Variants in HNF4G observed in about 807,000 individuals in gnomAD.
HNF4G encodes the protein hepatocyte nuclear factor 4 gamma.
HNF4G carries 21 observed loss-of-function variants against 50.9 expected under a neutral mutation model. That is an observed-to-expected ratio of 0.41 (90% CI 0.29 to 0.59). The LOEUF is 0.59. HNF4G is among the 20% of genes least tolerant of loss of function. HNF4G has a pLI of 0.26. For synonymous variants in HNF4G, 198 were observed against 185.6 expected, an observed-to-expected ratio of 1.07 and a Z score of -0.54; for missense variants, 527 against 559.4, an observed-to-expected ratio of 0.94 and a Z score of 0.58.
chr8:75,463,058 G>GTTTTTTT (rs1219575361), intron 1 of HNF4G, among the ~76,000 whole-genome samples: 2 of 131,046 alleles, frequency 1.5e-5, no homozygotes, highest in African/African-American at 3.0e-5. Flanking sequence ...ATGTCTGCTT[G>GTTTTTTT]TTTTTTTGTT....
intron 1 of HNF4G, among the ~76,000 whole-genome samples, chr8:75,410,658 T>A (rs1810478412): frequency 1.3e-5 from 2 of 152,182 alleles, no homozygotes; most frequent in Non-Finnish European, 2.9e-5. Flanking sequence ...TGTAACTACA[T>A]GTTTTCCTTC....
chr8:75,442,278 C>T (rs1273415920), intron 1 of HNF4G, among the ~76,000 whole-genome samples: 2 of 151,962 alleles, frequency 1.3e-5, no homozygotes, highest in Non-Finnish European at 2.9e-5. Context: ...GCCTGGGTAT[C>T]GGGTATATGG....
At chr8:75,536,198 C>T (rs1469296051), upstream of HNF4G, among the ~76,000 whole-genome samples, 4 of 151,798 alleles carry the variant, frequency 2.6e-5, no homozygotes, top group Non-Finnish European at 5.9e-5. Flanking sequence ...TTCAGTAGTT[C>T]ATAGTTCATC....
At chr8:75,500,069 A>G (rs956733362) in intron 2 of HNF4G, among the ~76,000 whole-genome samples, 1 of 152,166 alleles carries the variant, frequency 6.6e-6, no homozygotes, top group Non-Finnish European at 1.5e-5. Context: ...AGACATTATC[A>G]AGAAAGTGAA....
At chr8:75,483,418 G>T (rs1812425693) in intron 1 of HNF4G, among the ~76,000 whole-genome samples, 1 of 152,084 alleles carries the variant, frequency 6.6e-6, no homozygotes, top group Non-Finnish European at 1.5e-5. Flanking sequence ...AAGCAAAAGT[G>T]TTCTCTTGTT....
rs1460632862 is a variant in HNF4G, at chr8:75,543,796, C to CT, written c.119-9dup. On this transcript the variant is annotated splice_polypyrimidine_tract_variant and intron_variant, in intron 1 of 9. Transcript: ENST00000396423. ...AGTACTAACTCTAACTGTAATCTTC[C>CT]TTTTTTATTGACAGATAGTTCTGCC... 2 of 1,602,542 alleles carry CT rather than the reference C, an allele frequency of 1.2e-6. No individual in the cohort carries two copies. The highest frequency in any genetic ancestry group is 1.7e-6 in the Non-Finnish European group (2 of 1,173,862).
intron 2 of HNF4G, among the ~76,000 whole-genome samples, chr8:75,526,805 C>T (rs1017496820): frequency 6.6e-6 from 1 of 150,564 alleles, no homozygotes; most frequent in Middle Eastern, 3.5e-3. Flanking sequence ...CTCGTTCTGT[C>T]GCCCGGGCTA....
intron 2 of HNF4G, among the ~76,000 whole-genome samples, chr8:75,519,691 G>A (rs1020503860): frequency 5.3e-5 from 8 of 152,080 alleles, no homozygotes; most frequent in African/African-American, 1.9e-4. Context: ...GGGAATTATG[G>A]GAGCTACAAT....
intron 1 of HNF4G, chr8:75,490,077 T>C (rs1397885983): frequency 1.3e-5 from 2 of 152,596 alleles, no homozygotes; most frequent in African/African-American, 2.4e-5. Context: ...CTTTTGGAAA[T>C]TGTTTCCACA....
At chr8:75,544,039 A>C in intron 2 of HNF4G, 60 bp downstream of exon 2, 1 of 1,416,960 alleles carries the variant, frequency 7.1e-7, no homozygotes, top group Non-Finnish European at 9.6e-7. Context: ...TGGCACGCAA[A>C]AAGTAAGAGA....
intron 2 of HNF4G, among the ~76,000 whole-genome samples, chr8:75,528,446 A>C (rs927508316): frequency 1.4e-4 from 22 of 152,218 alleles, no homozygotes; most frequent in Non-Finnish European, 2.8e-4. Context: ...TAATTCTCTC[A>C]CAGCATTACT....
At chr8:75,421,267 A>G (rs1810768760) in intron 1 of HNF4G, among the ~76,000 whole-genome samples, 1 of 152,180 alleles carries the variant, frequency 6.6e-6, no homozygotes, top group Admixed American at 6.5e-5. Context: ...GTCACAGTTC[A>G]GAGCTCTGTG....
intron 1 of HNF4G, among the ~76,000 whole-genome samples, chr8:75,473,741 G>C (rs367624714): frequency 8.5e-5 from 13 of 152,150 alleles, no homozygotes; most frequent in Admixed American, 2.6e-4. Context: ...ATTGGAACTG[G>C]GGGGAGTAGA....
At chr8:75,563,463 T>C (rs1203650827) in intron 9 of HNF4G, among the ~76,000 whole-genome samples, 1 of 152,058 alleles carries the variant, frequency 6.6e-6, no homozygotes, top group African/African-American at 2.4e-5. Context: ...TTCAGATGCT[T>C]TTGACTACAA....
At chr8:75,497,692 CAA>C (rs61425612) in intron 2 of HNF4G, among the ~76,000 whole-genome samples, 20 of 140,474 alleles carry the variant, frequency 1.4e-4, no homozygotes, top group African/African-American at 2.8e-4. Context: ...TCCACCCCCT[CAA>C]AAAAAAAAAA....
upstream of HNF4G, among the ~76,000 whole-genome samples, chr8:75,534,982 ATG>A (rs1276385919): frequency 3.2e-5 from 2 of 62,218 alleles, no homozygotes; most frequent in African/African-American, 1.9e-4. Context: ...GAATTTTTAC[ATG>A]TTATAATAAC....
At chr8:75,433,269 A>G (rs1288350894) in intron 1 of HNF4G, among the ~76,000 whole-genome samples, 1 of 152,068 alleles carries the variant, frequency 6.6e-6, no homozygotes, top group Non-Finnish European at 1.5e-5. Context: ...TTAGCCAGGC[A>G]TGGTGATGTG....
intron 1 of HNF4G, among the ~76,000 whole-genome samples, chr8:75,459,927 C>T (rs1811805587): frequency 6.6e-6 from 1 of 152,108 alleles, no homozygotes; most frequent in East Asian, 1.9e-4. Context: ...CATATTAAAT[C>T]ATTTTTCCTT....
intron 2 of HNF4G, among the ~76,000 whole-genome samples, chr8:75,545,089 A>T (rs1806734652): frequency 6.6e-6 from 1 of 152,104 alleles, no homozygotes; most frequent in Non-Finnish European, 1.5e-5. Flanking sequence ...TTTTGCCTTT[A>T]TTTACATTAA....
Sources: allele counts gnomAD v4.1 joint callset (sites outside exome capture counted in the v4.1 genomes callset), GRCh38; gene constraint gnomAD v4.1.1; transcripts MANE v1.5; gene names NCBI Gene and HGNC (gene_info 2026-07-23, HGNC 2026-07-21).